FREM2: variants seen among roughly 807,000 people sequenced by gnomAD.
FREM2 encodes the protein FRAS1 related extracellular matrix 2.
Under a neutral mutation model 219.9 loss-of-function variants are expected in FREM2, and 119 were observed. That is an observed-to-expected ratio of 0.54 (90% CI 0.47 to 0.63). The LOEUF is 0.63. Ranked by LOEUF, FREM2 falls within the 30% of genes least tolerant of loss-of-function variation. The probability of loss-of-function intolerance (pLI) is 0.00; values close to 1 mark genes in which losing one functional copy is unlikely to be tolerated. For missense variants in FREM2, 4,030 were observed against 3,993.6 expected (o/e 1.01, Z -0.25); for synonymous variants, 1,562 against 1,522.8 (o/e 1.03, Z -0.60).
At position 38,692,365 on chromosome 13, in the gene FREM2, A is replaced by C. The variant is rs1869926364; in HGVS notation, c.5021A>C (p.His1674Pro). ...ACACTTCGCACTCTAGCCACTGGCC[A>C]CTTGGGGTTCATGATCACAAGCAAA... ...ASTLRTLATG[H>P]LGFMITSKIL... The change falls in exon 1 of 24, where the codon CAC becomes CCC. Residue 1674 changes from histidine (H) to proline (P), a missense_variant. His to Pro is a moderately conservative substitution (Grantham distance 77). Around this residue, in one of 2 missense-constraint regions of FREM2, gnomAD observed 3,102 missense variants for 2,950.7 expected, o/e 1.05. Transcript: ENST00000280481. The C allele has an allele frequency of 6.2e-7, 1 of 1,606,912 alleles. No homozygotes were observed.
At chr13:38,782,918 C>T in intron 4 of FREM2, 152 bp from the exon 5 acceptor site, 4 of 950,466 alleles carry the variant, frequency 4.2e-6, no homozygotes, top group Non-Finnish European at 6.6e-6. Context: ...CTTCTTTTCC[C>T]CTCTCCTTCC....
In FREM2 at chr13:38,689,890, A is replaced by G; in HGVS notation, c.2546A>G (p.Glu849Gly). The G allele has an allele frequency of 6.2e-7, 1 of 1,614,170 alleles. No individual in the cohort carries two copies. Among genetic ancestry groups the G allele is most frequent in the South Asian group, 1.1e-5 (1 of 91,074 alleles). Residue 849 changes from glutamate (E) to glycine (G), a missense_variant, in exon 1 of 24, where the codon GAG (glutamate) becomes GGG (glycine). Transcript: ENST00000280481. ...GAGAAGGGTCACCACATCCTGAGTG[A>G]GACAGAGTTGCACGTGAATGATGTA... is the stretch of plus-strand genomic sequence containing the variant. Reference protein sequence around the residue: ...IQEKGHHILSETELHVNDVDT... With the variant: ...IQEKGHHILSGTELHVNDVDT...
At chr13:38,859,726 T>G in intron 14 of FREM2, 136 bp downstream of exon 14, 1 of 917,246 alleles carries the variant, frequency 1.1e-6, no homozygotes, top group Non-Finnish European at 1.7e-6. Context: ...TTAAAATCTA[T>G]TTTTACAAAA....
chr13:38,820,177 A>C (rs1875984314), intron 6 of FREM2, among the ~76,000 whole-genome samples: 1 of 152,162 alleles, frequency 6.6e-6, no homozygotes, highest in Admixed American at 6.6e-5. Flanking sequence ...AAGGAATAGC[A>C]CTGCTTTTTC....
chr13:38,777,736 T>C (rs1873926979), intron 4 of FREM2, among the ~76,000 whole-genome samples: 1 of 152,198 alleles, frequency 6.6e-6, no homozygotes, highest in Non-Finnish European at 1.5e-5. Context: ...ATTGTATTTA[T>C]AACGTGAAGT....
In FREM2 at chr13:38,851,885, G is replaced by T; in HGVS notation, c.6925+17G>T. The T allele has an allele frequency of 6.2e-7, 1 of 1,608,898 alleles. No individual in the cohort carries two copies. The highest frequency in any genetic ancestry group is 1.3e-5 in the African/African-American group (1 of 74,902). ...TGTCAGAAGGTATGGGGCTCCCAGG[G>T]CCTGTCTCCTGATGGATCATGCCAA... On this transcript the variant is annotated intron_variant, in intron 11 of 23. Coordinates refer to ENST00000280481, the MANE Select transcript of FREM2 (RefSeq NM_207361.6).
In FREM2 at chr13:38,851,786, C is replaced by T; in HGVS notation, c.6843C>T (p.Asp2281=). Residue 2281 remains aspartate (D), a synonymous_variant, in exon 11 of 24, where the codon GAC becomes GAT. Transcript: ENST00000280481. ...VIRIPVIRQG[D]TSKVSIVRVH... ...GAATTCCAGTGATTCGCCAAGGAGA[C>T]ACTTCAAAGGTTTCCATTGTGAGAG... 6.2e-6 allele frequency: 10 copies of T among 1,613,840 alleles called. No homozygotes were observed. Among genetic ancestry groups the T allele is most frequent in the Non-Finnish European group, 8.5e-6 (10 of 1,179,816 alleles).
chr13:38,729,946 A>G (rs889863432), intron 2 of FREM2, among the ~76,000 whole-genome samples: 7 of 152,240 alleles, frequency 4.6e-5, no homozygotes, highest in Non-Finnish European at 1.0e-4. Flanking sequence ...AATAGTCAGA[A>G]TAAAGCTACA....
At chr13:38,786,825 TATCCC>T (rs1874350272) in intron 6 of FREM2, among the ~76,000 whole-genome samples, 1 of 152,164 alleles carries the variant, frequency 6.6e-6, no homozygotes, top group African/African-American at 2.4e-5. Context: ...ATGATGCCAT[TATCCC>T]TATTTTACAG....
chr13:38,794,983 A>C (rs1874712610), intron 6 of FREM2, among the ~76,000 whole-genome samples: 1 of 152,144 alleles, frequency 6.6e-6, no homozygotes, highest in South Asian at 2.1e-4. Flanking sequence ...ACCTGGAGAA[A>C]ATTACTTAAG....
chr13:38,687,753 C>T lies in FREM2; in HGVS notation c.409C>T (p.Arg137Cys), dbSNP rs749667994. 1.3e-6 allele frequency: 2 copies of T among 1,543,652 alleles called. No individual in the cohort carries two copies. The highest frequency in any genetic ancestry group is 1.3e-5 in the South Asian group (1 of 79,588). ...FPCDFGPGEV[R>C]YSHLGARSPS... ...GTGCGACTTTGGCCCTGGCGAGGTG[C>T]GCTACTCTCACCTGGGCGCGCGCAG... The change falls in exon 1 of 24, where the codon CGC becomes TGC. Residue 137 changes from arginine to cysteine, a missense_variant. By Grantham distance (180) the Arg-to-Cys change is radical (BLOSUM62 -3). Coordinates refer to ENST00000280481, the MANE Select transcript of FREM2 (RefSeq NM_207361.6).
chr13:38,730,199 A>C (rs2138119217), intron 2 of FREM2, among the ~76,000 whole-genome samples: 1 of 152,278 alleles, frequency 6.6e-6, no homozygotes, highest in African/African-American at 2.4e-5. Flanking sequence ...TATTAACTGA[A>C]ATGTTCTTAT....
intron 17 of FREM2, among the ~76,000 whole-genome samples, chr13:38,873,980 T>C (rs1878256030): frequency 6.6e-6 from 1 of 152,228 alleles, no homozygotes; most frequent in African/African-American, 2.4e-5. Context: ...AATGAGGATT[T>C]TTCTGTGGTT....
At position 38,880,311 on chromosome 13, in the gene FREM2, CATACGAT is replaced by C. The variant is rs1397090924; in HGVS notation, c.9035_9041del (p.His3012ProfsTer4). The C allele has an allele frequency of 6.2e-7, 1 of 1,613,742 alleles. No homozygotes were observed. Among genetic ancestry groups the C allele is most frequent in the East Asian group, 2.2e-5 (1 of 44,894 alleles). The stretch of plus-strand genomic sequence containing the variant: ...CGCTCTAGGCCGAGAATGGTATATA[CATACGAT>C]CTATACAGTGAGATCGAAAGACAAT... On this transcript the variant is annotated frameshift_variant, in exon 24 of 24. Transcript: ENST00000280481. LOFTEE classifies it low-confidence loss of function (END_TRUNC).
Position 38,882,628 on chromosome 13 carries a change from G to A in FREM2, c.*1841G>A, listed in dbSNP as rs1367413012. ...ACGGCTTATATGAACAGAAAGTACT[G>A]TGTAGCCCAGGAGTTTATTTAGCAA... On this transcript the variant is annotated 3_prime_UTR_variant, in exon 24 of 24. Coordinates refer to ENST00000280481, the MANE Select transcript of FREM2 (RefSeq NM_207361.6). 3.3e-5 allele frequency: 5 copies of A among 152,166 alleles called. No homozygotes were observed. The highest frequency in any genetic ancestry group is 1.2e-4 in the African/African-American group (5 of 41,450). The allele number at this position is 152,166 out of a possible 1,614,324, so 9.4% of individuals were successfully genotyped here. A position where few individuals can be genotyped will look rare whatever the true frequency, so the allele number is the denominator to read the frequency against.
rs115928688 is a variant in FREM2 at position 38,689,164 on chromosome 13, C to T, written c.1820C>T (p.Thr607Met). The change falls in exon 1 of 24, where the codon ACG becomes ATG. Residue 607 changes from threonine (T) to methionine (M), a missense_variant. Transcript: ENST00000280481. ...GTGCTGGAGTCACCCTTCTTAACTA[C>T]GGGGCATCTGCTTCTCCGCCAAACT... The part of the protein sequence containing the change: ...LFVLESPFLT[T>M]GHLLLRQTHP... 3.7e-5 allele frequency: 59 copies of T among 1,613,842 alleles called. No homozygotes were observed. Among genetic ancestry groups the T allele is most frequent in the South Asian group, 3.6e-4 (33 of 91,086 alleles).
At chr13:38,706,641 T>A (rs1314477552) in intron 2 of FREM2, among the ~76,000 whole-genome samples, 1 of 152,218 alleles carries the variant, frequency 6.6e-6, no homozygotes. Flanking sequence ...TTTTATTTTA[T>A]GAAAATATAA....
chr13:38,873,678 C>G (rs1420978932), intron 17 of FREM2, among the ~76,000 whole-genome samples: 1 of 152,188 alleles, frequency 6.6e-6, no homozygotes, highest in Non-Finnish European at 1.5e-5. Context: ...TATTACTGTT[C>G]CGATTCCACA....
At chr13:38,856,328 T>C in intron 12 of FREM2, 72 bp downstream of exon 12, 4 of 1,381,198 alleles carry the variant, frequency 2.9e-6, no homozygotes, top group Non-Finnish European at 4.1e-6. Flanking sequence ...AGCAATCACA[T>C]AGTGTACAAC....
Sources: gnomAD v4.1 joint callset for allele counts (sites outside exome capture counted in the v4.1 genomes callset) on GRCh38, gnomAD v4.1.1 for gene constraint, gnomAD v4.1.1 regional missense constraint, MANE v1.5 for transcripts, NCBI Gene and HGNC (gene_info 2026-07-23, HGNC 2026-07-21) for gene names.